Variants in APC observed in about 807,000 individuals in gnomAD.
APC encodes the protein APC regulator of Wnt signaling pathway, also known as adenomatous polyposis coli protein.
Under a neutral mutation model 247.0 loss-of-function variants are expected in APC, and 72 were observed. That is an observed-to-expected ratio of 0.29 (90% CI 0.24 to 0.35). The LOEUF is 0.35. APC is among the 10% of genes least tolerant of loss of function. The pLI, the probability that APC is intolerant of heterozygous loss-of-function variation, is 1.00. For synonymous variants in APC, 1,254 were observed against 1,162.5 expected (o/e 1.08, Z -1.60); for missense variants, 3,400 against 3,360.7 (o/e 1.01, Z -0.29).
upstream of APC, among the ~76,000 whole-genome samples, chr5:112,734,687 T>G (rs569009216): frequency 6.6e-6 from 1 of 152,304 alleles, no homozygotes; most frequent in Admixed American, 6.5e-5. Flanking sequence ...CTAGTTAATA[T>G]TGTCAATATT....
chr5:112,829,009 T>C, intron 14 of APC, 37 bp downstream of exon 14: 2 of 1,477,006 alleles, frequency 1.4e-6, no homozygotes, highest in South Asian at 2.3e-5. Context: ...AATATGAATT[T>C]CATGTTTGGC....
At position 112,841,669 on chromosome 5, in the gene APC, T is replaced by C; in HGVS notation, c.6075T>C (p.Ser2025=). 6.2e-7 allele frequency: 1 copy of C among 1,613,746 alleles called. No individual in the cohort carries two copies. The highest frequency in any genetic ancestry group is 8.5e-7 in the Non-Finnish European group (1 of 1,179,646). The change falls in exon 16 of 16, where the codon AGT becomes AGC. Residue 2025 remains serine, a synonymous_variant. Coordinates refer to ENST00000257430, the MANE Select transcript of APC (RefSeq NM_000038.6). The surrounding 1 kb of genome is among the most constrained non-coding windows in gnomAD (Gnocchi z 4.6). ...EDTPVCFSRN[S]SLSSLSIDSE... is the part of the protein sequence containing the mutation. ...CCCCAGTTTGTTTCTCAAGAAACAG[T>C]TCTCTCAGTTCTCTTAGTATTGACT... is the stretch of plus-strand genomic sequence containing the variant.
intron 11 of APC, among the ~76,000 whole-genome samples, chr5:112,824,567 T>C (rs1464609999): frequency 1.3e-5 from 2 of 152,172 alleles, no homozygotes; most frequent in Non-Finnish European, 2.9e-5. Flanking sequence ...CATACAAGAG[T>C]ACTCAACTCT....
chr5:112,777,867 CT>C, intron 5 of APC: 1 of 222,402 alleles, frequency 4.5e-6, no homozygotes, highest in South Asian at 8.3e-5. Context: ...AGCAGCATCC[CT>C]TCTCTTCTTT....
chr5:112,773,133 A>C (rs187134136), intron 4 of APC, among the ~76,000 whole-genome samples: 2 of 152,292 alleles, frequency 1.3e-5, no homozygotes, highest in Admixed American at 1.3e-4. Flanking sequence ...CAATCAGTCC[A>C]TCACTATTAA....
At chr5:112,770,691 T>C (rs1204824926) in intron 4 of APC, among the ~76,000 whole-genome samples, 1 of 152,154 alleles carries the variant, frequency 6.6e-6, no homozygotes, top group African/African-American at 2.4e-5. Flanking sequence ...TCCCATGAGA[T>C]AGTTACTTCT....
intron 1 of APC, among the ~76,000 whole-genome samples, chr5:112,717,748 A>T (rs1035768763): frequency 2.0e-5 from 3 of 151,968 alleles, no homozygotes; most frequent in African/African-American, 7.3e-5. Context: ...CTGTGTGAAT[A>T]TATGGATTGG....
In APC at chr5:112,806,578, T is replaced by TGA. The variant is rs1353089094; in HGVS notation, c.834+5195_834+5196insGA. On this transcript the variant is annotated intron_variant, in intron 8 of 15. Transcript: ENST00000257430. ...TTTATTTATTTATTTATTTATTTAT[T>TGA]TATTTATTTATTTATTGAGATAGGG... Among the ~76,000 whole-genome samples the TGA allele has an allele frequency of 6.5e-4, 98 of 151,492 alleles. 1 individual carries two copies. Among genetic ancestry groups the TGA allele is most frequent in the African/African-American group, 2.3e-3 (96 of 41,278 alleles).
At chr5:112,837,495 T>C (rs1038218962) in intron 15 of APC, 58 bp from the exon 16 acceptor site, 9 of 1,282,176 alleles carry the variant, frequency 7.0e-6, no homozygotes, top group Non-Finnish European at 1.0e-5. Flanking sequence ...TCCTTTTATT[T>C]GTTGTTACTG....
At chr5:112,731,467 A>G (rs1304182529) in intron 1 of APC, among the ~76,000 whole-genome samples, 1 of 152,184 alleles carries the variant, frequency 6.6e-6, no homozygotes, top group East Asian at 1.9e-4. Context: ...GCAAGGGATC[A>G]AATTTGTAGC....
chr5:112,752,369 C>T (rs1274372645), intron 1 of APC, among the ~76,000 whole-genome samples: 2 of 152,094 alleles, frequency 1.3e-5, no homozygotes, highest in African/African-American at 4.8e-5. Flanking sequence ...TGCTTCCTTG[C>T]TTTAATTTCT....
intron 1 of APC, among the ~76,000 whole-genome samples, chr5:112,728,952 C>A (rs1358032516): frequency 6.6e-6 from 1 of 152,116 alleles, no homozygotes; most frequent in Non-Finnish European, 1.5e-5. Flanking sequence ...ATATTGAAAT[C>A]TCTGCCCTGA....
Position 112,845,183 on chromosome 5 carries a change from C to T in APC, c.*1057C>T, listed in dbSNP as rs1766878728. 1 of 232,390 alleles carries T rather than the reference C, an allele frequency of 4.3e-6. No homozygotes were observed. Among genetic ancestry groups the T allele is most frequent in the African/African-American group, 2.2e-5 (1 of 45,258 alleles). 14.4% of individuals were successfully genotyped at this position (232,390 alleles called of 1,614,324 possible). ...TCCATGCGTTGGCACTTATCTATTC[C>T]TGAAATTTCTTTTATGTGATTAGCT... is the stretch of plus-strand genomic sequence containing the variant. On this transcript the variant is annotated 3_prime_UTR_variant, in exon 16 of 16. Transcript: ENST00000257430.
chr5:112,735,697 T>G (rs1752346660), upstream of APC, among the ~76,000 whole-genome samples: 1 of 152,050 alleles, frequency 6.6e-6, no homozygotes, highest in Non-Finnish European at 1.5e-5. Context: ...AGCTAAGCAG[T>G]TTTAAAAATT....
At chr5:112,753,463 G>A (rs558982834) in intron 1 of APC, among the ~76,000 whole-genome samples, 20 of 152,108 alleles carry the variant, frequency 1.3e-4, no homozygotes, top group Non-Finnish European at 2.9e-4. Context: ...AAGTTATGTT[G>A]AAGCAGATTG....
At chr5:112,815,460 T>G in intron 8 of APC, 35 bp from the exon 9 acceptor site, 2 of 1,492,034 alleles carry the variant, frequency 1.3e-6, no homozygotes, top group Non-Finnish European at 1.9e-6. Context: ...ACCTATAGTC[T>G]AAATTATACC....
intron 8 of APC, among the ~76,000 whole-genome samples, chr5:112,813,721 C>T (rs949604343): frequency 1.3e-5 from 2 of 150,032 alleles, no homozygotes; most frequent in African/African-American, 4.9e-5. Flanking sequence ...AATTCAGAGC[C>T]AGCCTGGGCA....
chr5:112,778,453 A>T (rs912220091), intron 5 of APC: 2 of 151,592 alleles, frequency 1.3e-5, no homozygotes, highest in African/African-American at 2.4e-5. Context: ...GAAATTGATG[A>T]AGTATTCTAT....
intron 8 of APC, among the ~76,000 whole-genome samples, chr5:112,808,887 G>A (rs1024145839): frequency 6.6e-6 from 1 of 152,160 alleles, no homozygotes; most frequent in Non-Finnish European, 1.5e-5. Flanking sequence ...GAGTGTTTAG[G>A]GGGAAGGAGA....
Sources: gnomAD v4.1 joint callset for allele counts (sites outside exome capture counted in the v4.1 genomes callset) on GRCh38, gnomAD v4.1.1 for gene constraint, Gnocchi (gnomAD v3.1) non-coding constraint, MANE v1.5 for transcripts, NCBI Gene and HGNC (gene_info 2026-07-23, HGNC 2026-07-21) for gene names.